Variants in MYZAP observed in about 807,000 individuals in gnomAD.
MYZAP encodes the protein myocardial zonula adherens protein.
A neutral mutation model predicts 69.4 loss-of-function variants in MYZAP; 66 were observed. The ratio of observed to expected loss-of-function variants is 0.95; its 90% confidence interval spans 0.78 to 1.17. MYZAP has a LOEUF of 1.17. Among genes scored for constraint, MYZAP ranks in the 50% most tolerant of loss-of-function variants. The probability of loss-of-function intolerance (pLI) is 0.00; values close to 1 mark genes in which losing one functional copy is unlikely to be tolerated. For missense variants in MYZAP, 611 were observed against 556.2 expected, an observed-to-expected ratio of 1.10 and a Z score of -0.99; for synonymous variants, 256 against 205.9, an observed-to-expected ratio of 1.24 and a Z score of -2.09.
chr15:57,650,858 T>C (rs1459640785), intron 10 of MYZAP, among the ~76,000 whole-genome samples: 1 of 151,992 alleles, frequency 6.6e-6, no homozygotes, highest in Non-Finnish European at 1.5e-5. Flanking sequence ...GACCAGAAAG[T>C]ATAGGGTGAG....
chr15:57,631,579 G>A (rs1333389314), intron 6 of MYZAP, among the ~76,000 whole-genome samples: 1 of 152,156 alleles, frequency 6.6e-6, no homozygotes, highest in Non-Finnish European at 1.5e-5. Context: ...TGCAAATGGA[G>A]CACACAGCAC....
chr15:57,647,345 G>A, intron 10 of MYZAP: 1 of 985,428 alleles, frequency 1.0e-6, no homozygotes, highest in Non-Finnish European at 1.2e-6. Flanking sequence ...GGGAGACAGA[G>A]GCAGATTTGA....
intron 10 of MYZAP, among the ~76,000 whole-genome samples, chr15:57,645,821 G>A (rs1470181691): frequency 2.0e-5 from 3 of 152,142 alleles, no homozygotes; most frequent in African/African-American, 7.2e-5. Flanking sequence ...TGTGCTCTGT[G>A]CTGTTTTCTA....
chr15:57,646,795 G>C, intron 10 of MYZAP: 1 of 985,458 alleles, frequency 1.0e-6, no homozygotes, highest in Non-Finnish European at 1.2e-6. Context: ...ATCACCATCA[G>C]CATTTTGCCT....
chr15:57,647,493 T>G, intron 10 of MYZAP: 10 of 985,466 alleles, frequency 1.0e-5, no homozygotes, highest in Non-Finnish European at 1.2e-5. Flanking sequence ...CATTGCCAAG[T>G]TTTAAAAAAG....
chr15:57,610,211 G>A (rs1214393237), intron 2 of MYZAP, among the ~76,000 whole-genome samples: 1 of 152,234 alleles, frequency 6.6e-6, no homozygotes, highest in Non-Finnish European at 1.5e-5. Flanking sequence ...AGAATGCTGA[G>A]TGAGAGAGAG....
In MYZAP at chr15:57,629,631, C is replaced by T. The variant is rs1258251294; in HGVS notation, c.526-71C>T. 2.6e-6 allele frequency: 4 copies of T among 1,551,350 alleles called. No homozygotes were observed. In the East Asian group the frequency reaches 9.1e-5, roughly 35 times the overall value. On this transcript the variant is annotated intron_variant, in intron 5 of 12. Transcript: ENST00000267853. The stretch of plus-strand genomic sequence containing the variant: ...CAGTGCTTAATGATAAGGGGATGCC[C>T]CAGCATGTGGTGCAGCCCATGTGTT...
chr15:57,637,610 C>T, intron 8 of MYZAP, 85 bp from the exon 9 acceptor site: 1 of 1,459,296 alleles, frequency 6.9e-7, no homozygotes, highest in Non-Finnish European at 9.4e-7. Context: ...TAGACTTGGA[C>T]TCCCTAGTGC....
chr15:57,673,028 T>C (rs1414892945), intron 11 of MYZAP, among the ~76,000 whole-genome samples: 1 of 152,234 alleles, frequency 6.6e-6, no homozygotes, highest in Non-Finnish European at 1.5e-5. Context: ...TTCCCTCACC[T>C]AATTTCACTG....
intron 2 of MYZAP, among the ~76,000 whole-genome samples, chr15:57,605,737 C>T (rs1567201710): frequency 6.6e-6 from 1 of 152,116 alleles, no homozygotes; most frequent in East Asian, 1.9e-4. Flanking sequence ...TCCAGAAAAA[C>T]AGCTAGTTCT....
chr15:57,593,190 A>ATGCGCG (rs376306761), intron 1 of MYZAP, among the ~76,000 whole-genome samples: 7 of 108,320 alleles, frequency 6.5e-5, no homozygotes, highest in South Asian at 3.2e-4. Flanking sequence ...ACACAGGCGC[A>ATGCGCG]CACACACACA....
intron 10 of MYZAP, among the ~76,000 whole-genome samples, chr15:57,657,691 A>G (rs2140529749): frequency 6.6e-6 from 1 of 152,310 alleles, no homozygotes; most frequent in East Asian, 1.9e-4. Flanking sequence ...TCTCTATTAT[A>G]AATAATGGGA....
At position 57,685,327 on chromosome 15, in the gene MYZAP, CAT is replaced by C. The variant is rs1370348605; in HGVS notation, c.*830_*831del. 6.6e-6 allele frequency: 1 copy of C among 152,200 alleles called. No homozygotes were observed. Among genetic ancestry groups the C allele is most frequent in the African/African-American group, 2.4e-5 (1 of 41,434 alleles). 9.4% of individuals were successfully genotyped at this position (152,200 alleles called of 1,614,324 possible). A position where few individuals can be genotyped will look rare whatever the true frequency, so the allele number is the denominator to read the frequency against. On this transcript the variant is annotated 3_prime_UTR_variant, in exon 13 of 13. Transcript: ENST00000267853. ...TACTTTGATATTATAACCTATGTCA[CAT>C]GTGTTTAATAAATACCATATATTTT...
At chr15:57,641,049 TG>T (rs1275005136) in intron 10 of MYZAP, among the ~76,000 whole-genome samples, 2 of 152,194 alleles carry the variant, frequency 1.3e-5, no homozygotes, top group Non-Finnish European at 2.9e-5. Context: ...GCACGAAGTC[TG>T]GGGCAAGGGC....
At chr15:57,624,457 G>C (rs2036004127) in intron 4 of MYZAP, among the ~76,000 whole-genome samples, 1 of 152,112 alleles carries the variant, frequency 6.6e-6, no homozygotes, top group African/African-American at 2.4e-5. Flanking sequence ...CTTGATTATA[G>C]GAATGGGGCT....
In MYZAP at chr15:57,657,061, T is replaced by G. The variant is rs566014857; in HGVS notation, c.1120-4389T>G. On this transcript the variant is annotated intron_variant, in intron 10 of 12. Transcript: ENST00000267853. ...ATTAACCATTCACTGATTTATTTTT[T>G]AAACTACCATCTAGGGGACAGTGAC... is the stretch of plus-strand genomic sequence containing the variant. 2.6e-5 allele frequency among the ~76,000 whole-genome samples: 4 copies of G among 152,280 alleles called. No homozygotes were observed. In the East Asian group the frequency reaches 7.7e-4, roughly 29 times the overall value.
chr15:57,655,990 C>T (rs1023418186), intron 10 of MYZAP, among the ~76,000 whole-genome samples: 1 of 152,176 alleles, frequency 6.6e-6, no homozygotes, highest in East Asian at 1.9e-4. Context: ...TGGTAACTTG[C>T]GTCATTTACC....
intron 11 of MYZAP, among the ~76,000 whole-genome samples, chr15:57,662,386 G>T (rs2038355636): frequency 1.3e-5 from 2 of 152,168 alleles, no homozygotes; most frequent in South Asian, 4.1e-4. Context: ...AGAAAACTTT[G>T]ATTAAGCCCT....
chr15:57,679,684 C>T (rs2140661768), intron 12 of MYZAP, among the ~76,000 whole-genome samples: 1 of 152,282 alleles, frequency 6.6e-6, no homozygotes, highest in South Asian at 2.1e-4. Context: ...TCCTCCAAGA[C>T]CCTCCCATGG....
Sources: gnomAD v4.1 joint callset for allele counts (sites outside exome capture counted in the v4.1 genomes callset) on GRCh38, gnomAD v4.1.1 for gene constraint, MANE v1.5 for transcripts, NCBI Gene and HGNC (gene_info 2026-07-23, HGNC 2026-07-21) for gene names.